The following RASGRF1 variants were observed in gnomAD, a reference collection of about 807,000 sequenced individuals.
The protein encoded by RASGRF1 is ras-specific guanine nucleotide-releasing factor 1.
In RASGRF1, 40 loss-of-function variants were observed where a neutral mutation model predicts 138.7. The observed-to-expected ratio is 0.29, with a 90% CI of 0.22 to 0.38. The LOEUF (loss-of-function observed/expected upper bound fraction) is 0.38. RASGRF1 is among the 10% of genes least tolerant of loss of function. RASGRF1 has a pLI of 1.00. For synonymous variants in RASGRF1, 614 were observed against 663.2 expected (o/e 0.93, Z 1.14); for missense variants, 1,108 against 1,650.4 (o/e 0.67, Z 5.69).
At chr15:79,049,620 G>A in intron 3 of RASGRF1, 32 bp from the exon 4 acceptor site, 1 of 1,587,296 alleles carries the variant, frequency 6.3e-7, no homozygotes, top group Non-Finnish European at 8.6e-7. Context: ...GCCTGTGAGG[G>A]GCGCTGGCTC....
At chr15:79,025,951 T>C (rs1002571929) in intron 9 of RASGRF1, among the ~76,000 whole-genome samples, 19 of 151,228 alleles carry the variant, frequency 1.3e-4, no homozygotes, top group African/African-American at 4.6e-4. Context: ...AAAAGATACA[T>C]TGCACTCCTG....
At chr15:79,048,820 A>G (rs896454681) in intron 4 of RASGRF1, among the ~76,000 whole-genome samples, 6 of 152,322 alleles carry the variant, frequency 3.9e-5, no homozygotes, top group Middle Eastern at 6.8e-3. Context: ...CTCAACAAAT[A>G]GGATTCCGTG....
chr15:78,998,105 T>C lies in RASGRF1; in HGVS notation c.2957A>G (p.Asn986Ser), dbSNP rs765809334. The C allele has an allele frequency of 6.8e-6, 11 of 1,613,640 alleles. No homozygotes were observed. In the East Asian group the frequency reaches 1.6e-4, roughly 23 times the overall value. ...CAGGTACTGCCTTTACCTGATGATGTTGGCTGCAGCCTTCCGCTCCTGGGT... is the reference window on the plus strand; with the variant it reads ...CAGGTACTGCCTTTACCTGATGATGCTGGCTGCAGCCTTCCGCTCCTGGGT... ...LLTQERKAAA[N>S]IIRTLTQEDP... is the part of the protein sequence containing the mutation. Residue 986 changes from asparagine to serine, a missense_variant, in exon 19 of 27, where the codon AAC becomes AGC. Coordinates refer to ENST00000558480, the MANE Select transcript of RASGRF1 (RefSeq NM_001145648.3).
chr15:79,022,021 A>G (rs1175398164), intron 10 of RASGRF1, among the ~76,000 whole-genome samples: 2 of 152,240 alleles, frequency 1.3e-5, no homozygotes, highest in African/African-American at 4.8e-5. Context: ...CTTTATGCAG[A>G]TAAGGAAACT....
chr15:79,059,021 G>T (rs895655624), intron 2 of RASGRF1, among the ~76,000 whole-genome samples: 2 of 152,172 alleles, frequency 1.3e-5, no homozygotes, highest in African/African-American at 2.4e-5. Context: ...CCGTCAGAGT[G>T]CTGTAAAATA....
At chr15:79,008,653 C>T (rs2141734608) in intron 13 of RASGRF1, among the ~76,000 whole-genome samples, 1 of 152,208 alleles carries the variant, frequency 6.6e-6, no homozygotes, top group Middle Eastern at 3.4e-3. Context: ...TCTGAGTGGT[C>T]TATTAAACAC....
Position 78,973,404 on chromosome 15 carries a change from C to T in RASGRF1, c.3511G>A (p.Val1171Ile), listed in dbSNP as rs886662959. 10 of 1,611,470 alleles carry T rather than the reference C, an allele frequency of 6.2e-6. No homozygotes were observed. The highest frequency in any genetic ancestry group is 1.3e-5 in the African/African-American group (1 of 74,780). ...EALKNCDPPC[V>I]PYLGMYLTDL... Reference sequence around the variant, plus strand: ...GTGAGGTACATCCCCAGGTAAGGGACACAGGGTGGGTCACAACTTGGAAGC... The same window carrying T: ...GTGAGGTACATCCCCAGGTAAGGGATACAGGGTGGGTCACAACTTGGAAGC... The change falls in exon 25 of 27, where the codon GTC becomes ATC. Residue 1171 changes from valine to isoleucine, a missense_variant. Around this residue, in one of 3 missense-constraint regions of RASGRF1, gnomAD observed 686 missense variants for 976.7 expected, o/e 0.70. Transcript: ENST00000558480. The surrounding 1 kb of genome is among the most constrained non-coding windows in gnomAD (Gnocchi z 4.9).
rs372553507 is a variant in RASGRF1 at position 78,972,337 on chromosome 15, C to A, written c.3613-403G>T. 2.0e-5 allele frequency among the ~76,000 whole-genome samples: 3 copies of A among 152,080 alleles called. No homozygotes were observed. The East Asian group carries it at 5.8e-4, about 29-fold the overall frequency. On this transcript the variant is annotated intron_variant, in intron 25 of 26. Coordinates refer to ENST00000558480, the MANE Select transcript of RASGRF1 (RefSeq NM_001145648.3). ...TCTTGAACTTCTGACCTCAAGTGAT[C>A]CACCCGCCTCAGCTCCCAAAGTGCT...
At chr15:78,990,548 CTGGGAGGCTGAAATAAGGTG>C (rs758088994) in intron 21 of RASGRF1, among the ~76,000 whole-genome samples, 8 of 152,154 alleles carry the variant, frequency 5.3e-5, no homozygotes, top group Non-Finnish European at 1.2e-4. Context: ...CACAGGTTTA[CTGGGAGGCTGAAATAAGGTG>C]TGGGAAGGCA....
chr15:78,990,933 A>G (rs147246278), intron 21 of RASGRF1, among the ~76,000 whole-genome samples: 4,730 of 152,328 alleles, frequency 0.031, 86 homozygotes, highest in Middle Eastern at 0.054. Context: ...ACGAGGCAGC[A>G]CCCATGCTGG....
intron 2 of RASGRF1, among the ~76,000 whole-genome samples, chr15:79,062,691 C>T (rs954650547): frequency 1.3e-5 from 2 of 152,022 alleles, no homozygotes; most frequent in African/African-American, 4.8e-5. Flanking sequence ...TCCCTACCAC[C>T]CCCCGCTATG....
At chr15:79,037,887 C>T (rs989013799) in intron 5 of RASGRF1, among the ~76,000 whole-genome samples, 16 of 151,674 alleles carry the variant, frequency 1.1e-4, no homozygotes, top group African/African-American at 3.9e-4. Context: ...TAATGGGAGA[C>T]AGTGACAGAT....
chr15:78,980,766 G>C (rs544765232), intron 23 of RASGRF1, 67 bp from the exon 24 acceptor site: 10 of 1,222,596 alleles, frequency 8.2e-6, no homozygotes, highest in Middle Eastern at 1.9e-4. Flanking sequence ...CCGGGGATCA[G>C]GCCCACACTC....
intron 26 of RASGRF1, among the ~76,000 whole-genome samples, chr15:78,964,278 G>T (rs1340983463): frequency 2.0e-5 from 3 of 151,940 alleles, no homozygotes; most frequent in Non-Finnish European, 4.4e-5. Context: ...GAGTTCAAGC[G>T]ATTCTTCTGC....
At chr15:79,072,465 C>T (rs905963356) in intron 1 of RASGRF1, among the ~76,000 whole-genome samples, 2 of 151,586 alleles carry the variant, frequency 1.3e-5, no homozygotes, top group South Asian at 2.1e-4. Flanking sequence ...TTAGTAGAAA[C>T]GGGGTTTCAC....
At chr15:78,996,875 G>A (rs184097873) in intron 19 of RASGRF1, among the ~76,000 whole-genome samples, 73 of 152,356 alleles carry the variant, frequency 4.8e-4, no homozygotes, top group African/African-American at 1.7e-3. Context: ...TGGCTGGGGA[G>A]GATGTCTGGG....
chr15:79,070,303 C>T (rs2057738219), intron 1 of RASGRF1, among the ~76,000 whole-genome samples: 1 of 152,216 alleles, frequency 6.6e-6, no homozygotes, highest in Non-Finnish European at 1.5e-5. Flanking sequence ...CTAGCCCCTA[C>T]CTGGGCAGCT....
chr15:79,014,524 G>A (rs1393485215), intron 13 of RASGRF1, among the ~76,000 whole-genome samples: 1 of 152,210 alleles, frequency 6.6e-6, no homozygotes, highest in Non-Finnish European at 1.5e-5. Flanking sequence ...TCATTCATAA[G>A]TGGGACCTAA....
chr15:79,045,185 G>C (rs760629934), intron 5 of RASGRF1, among the ~76,000 whole-genome samples: 14 of 152,190 alleles, frequency 9.2e-5, no homozygotes, highest in Non-Finnish European at 1.8e-4. Flanking sequence ...TCTGGGACCA[G>C]TAGCATCAGC....
Sources: gnomAD v4.1 joint callset for allele counts (sites outside exome capture counted in the v4.1 genomes callset) on GRCh38, gnomAD v4.1.1 for gene constraint, gnomAD v4.1.1 regional missense constraint, Gnocchi (gnomAD v3.1) non-coding constraint, MANE v1.5 for transcripts, NCBI Gene and HGNC (gene_info 2026-07-23, HGNC 2026-07-21) for gene names.